The following ST3GAL2 variants were observed in gnomAD, a reference collection of about 807,000 sequenced individuals.
ST3GAL2 encodes ST3 beta-galactoside alpha-2,3-sialyltransferase 2, also known as CMP-N-acetylneuraminate-beta-galactosamide-alpha-2,3-sialyltransferase 2.
Under a neutral mutation model 37.5 loss-of-function variants are expected in ST3GAL2, and 16 were observed. The observed-to-expected ratio is 0.43, with a 90% CI of 0.29 to 0.65. The LOEUF (loss-of-function observed/expected upper bound fraction) is 0.65. ST3GAL2 is among the 30% of genes least tolerant of loss of function. The pLI, the probability that ST3GAL2 is intolerant of heterozygous loss-of-function variation, is 0.17. For synonymous variants in ST3GAL2, 238 were observed against 202.9 expected (o/e 1.17, Z -1.47); for missense variants, 383 against 487.8 (o/e 0.79, Z 2.02).
intron 3 of ST3GAL2, among the ~76,000 whole-genome samples, chr16:70,390,653 A>G (rs1188978784): frequency 6.6e-6 from 1 of 152,058 alleles, no homozygotes; most frequent in Non-Finnish European, 1.5e-5. Context: ...GTGATGTGCA[A>G]TGTCCCCTCT....
chr16:70,415,055 T>C (rs1385227476), intron 1 of ST3GAL2, among the ~76,000 whole-genome samples: 5 of 152,136 alleles, frequency 3.3e-5, no homozygotes, highest in African/African-American at 9.6e-5. Context: ...TTGTATTTTT[T>C]AGTAGAGACG....
intron 3 of ST3GAL2, among the ~76,000 whole-genome samples, chr16:70,389,246 G>GTTAC (rs1187595036): frequency 1.5e-5 from 1 of 67,990 alleles, no homozygotes; most frequent in Non-Finnish European, 3.2e-5. Flanking sequence ...AAAAAAAAAG[G>GTTAC]TTACTAACAT....
intron 4 of ST3GAL2, among the ~76,000 whole-genome samples, chr16:70,387,075 G>A (rs552716489): frequency 5.1e-4 from 76 of 150,482 alleles, no homozygotes; most frequent in Admixed American, 1.3e-3. Context: ...CCAACATAGC[G>A]AAACCCCATC....
At chr16:70,406,525 T>C (rs1174501208) in intron 1 of ST3GAL2, among the ~76,000 whole-genome samples, 1 of 150,964 alleles carries the variant, frequency 6.6e-6, no homozygotes, top group Non-Finnish European at 1.5e-5. Context: ...CTCACAGCTG[T>C]GATCCCAGCA....
chr16:70,408,432 G>A (rs886252648), intron 1 of ST3GAL2, among the ~76,000 whole-genome samples: 1 of 152,094 alleles, frequency 6.6e-6, no homozygotes, highest in African/African-American at 2.4e-5. Context: ...CAGGTGGCCA[G>A]TTACCGAAAG....
intron 1 of ST3GAL2, among the ~76,000 whole-genome samples, chr16:70,436,283 C>CG (rs1466727739): frequency 2.0e-5 from 3 of 151,804 alleles, no homozygotes; most frequent in African/African-American, 4.8e-5. Flanking sequence ...CAAAAAGTAG[C>CG]GGGGTGTCGT....
chr16:70,433,076 C>T (rs2151681852), intron 1 of ST3GAL2, among the ~76,000 whole-genome samples: 1 of 151,910 alleles, frequency 6.6e-6, no homozygotes, highest in African/African-American at 2.4e-5. Context: ...ACATCACCTT[C>T]TCCTAAACTC....
chr16:70,435,367 G>A (rs1207289879), intron 1 of ST3GAL2, among the ~76,000 whole-genome samples: 2 of 152,096 alleles, frequency 1.3e-5, no homozygotes, highest in African/African-American at 2.4e-5. Flanking sequence ...AGGCTCCAGC[G>A]GGCGGATCAC....
chr16:70,434,065 C>T (rs1391141805), intron 1 of ST3GAL2, among the ~76,000 whole-genome samples: 2 of 152,102 alleles, frequency 1.3e-5, no homozygotes, highest in Non-Finnish European at 2.9e-5. Flanking sequence ...TTGGTGGACT[C>T]GTCTTATCCC....
At chr16:70,382,011 G>A in intron 6 of ST3GAL2, 149 bp from the exon 7 acceptor site, 1 of 865,256 alleles carries the variant, frequency 1.2e-6, no homozygotes, top group Non-Finnish European at 1.8e-6. Context: ...GGACTCACAT[G>A]GGGACACCAC....
intron 3 of ST3GAL2, among the ~76,000 whole-genome samples, chr16:70,389,845 G>A (rs1423948795): frequency 6.6e-6 from 1 of 151,726 alleles, no homozygotes; most frequent in East Asian, 1.9e-4. Flanking sequence ...GGAGTGCAGT[G>A]TCACAATCTC....
chr16:70,383,736 T>C (rs1280314592), intron 4 of ST3GAL2, among the ~76,000 whole-genome samples: 1 of 151,908 alleles, frequency 6.6e-6, no homozygotes, highest in Admixed American at 6.6e-5. Flanking sequence ...GCCTGAGCAA[T>C]GTCAGCCCCA....
rs746519564 is a variant in ST3GAL2 at position 70,382,822 on chromosome 16, G to A, written c.862C>T (p.Leu288=). ...STGMLVLFFA[L]HVCDEVNVYG... ...CTACCCACCTCATCACACACATGCAGGGCAAAGAAAAGCACCAGCATCCCC... is the reference window on the plus strand; with the variant it reads ...CTACCCACCTCATCACACACATGCAAGGCAAAGAAAAGCACCAGCATCCCC... The change falls in exon 6 of 7, where the codon CTG becomes TTG. Residue 288 remains leucine (L), a synonymous_variant. Transcript: ENST00000342907. 6.2e-6 allele frequency: 10 copies of A among 1,614,058 alleles called. No individual in the cohort carries two copies. The highest frequency in any genetic ancestry group is 2.7e-5 in the African/African-American group (2 of 75,030).
At chr16:70,383,269 G>A (rs747169277) in intron 4 of ST3GAL2, 34 bp from the exon 5 acceptor site, 5 of 1,589,436 alleles carry the variant, frequency 3.1e-6, no homozygotes, top group Non-Finnish European at 4.3e-6. Flanking sequence ...TAACATTTCA[G>A]GCTGGGCACG....
At chr16:70,387,668 A>G (rs1047865751) in intron 4 of ST3GAL2, among the ~76,000 whole-genome samples, 1 of 152,216 alleles carries the variant, frequency 6.6e-6, no homozygotes, top group Non-Finnish European at 1.5e-5. Flanking sequence ...TGTATGGGAT[A>G]TGAATCATAT....
At chr16:70,404,926 A>T (rs1262035241) in intron 1 of ST3GAL2, among the ~76,000 whole-genome samples, 4 of 151,592 alleles carry the variant, frequency 2.6e-5, no homozygotes, top group Non-Finnish European at 5.9e-5. Context: ...CCAGCTACTC[A>T]GGAGGCTGAG....
At chr16:70,407,980 GGAGA>G (rs1328120355) in intron 1 of ST3GAL2, among the ~76,000 whole-genome samples, 1 of 152,032 alleles carries the variant, frequency 6.6e-6, no homozygotes, top group African/African-American at 2.4e-5. Context: ...GGGAGGGAGA[GGAGA>G]AAGACGAAAG....
intron 3 of ST3GAL2, among the ~76,000 whole-genome samples, chr16:70,392,306 GC>G (rs2047487099): frequency 6.6e-6 from 1 of 152,344 alleles, no homozygotes; most frequent in Middle Eastern, 3.4e-3. Context: ...TCCTGGAGAA[GC>G]CACGCCCTGG....
intron 1 of ST3GAL2, among the ~76,000 whole-genome samples, chr16:70,403,595 T>C (rs1390498654): frequency 2.0e-5 from 3 of 152,146 alleles, no homozygotes; most frequent in African/African-American, 2.4e-5. Context: ...GGGCGGATCA[T>C]GAGGTCGGGA....
Sources: allele counts gnomAD v4.1 joint callset (sites outside exome capture counted in the v4.1 genomes callset), GRCh38; gene constraint gnomAD v4.1.1; transcripts MANE v1.5; gene names NCBI Gene and HGNC (gene_info 2026-07-23, HGNC 2026-07-21).